Variants in LIPI observed in about 807,000 individuals in gnomAD.
LIPI encodes the protein lipase member I.
In LIPI, 59 loss-of-function variants were observed where a neutral mutation model predicts 50.6. The ratio of observed to expected loss-of-function variants is 1.16; its 90% CI spans 0.94 to 1.45. The LOEUF is 1.45. Among genes scored for constraint, LIPI ranks in the 40% most tolerant of loss-of-function variants. The pLI is 0.00. For missense variants in LIPI, 586 were observed against 536.3 expected (o/e 1.09, Z -0.92); for synonymous variants, 203 against 178.2 (o/e 1.14, Z -1.11).
chr21:14,207,991 T>C (rs2020271060), intron 1 of LIPI, among the ~76,000 whole-genome samples: 1 of 152,200 alleles, frequency 6.6e-6, no homozygotes, highest in Admixed American at 6.5e-5. Context: ...TAGTTCCAAA[T>C]TTCATTTTCT....
rs557813108 is a variant in LIPI at position 14,208,917 on chromosome 21, G to T, written c.46+1883C>A. Among the ~76,000 whole-genome samples the T allele has an allele frequency of 3.3e-5, 5 of 152,172 alleles. No homozygotes were observed. In the South Asian group the frequency reaches 6.2e-4, roughly 19 times the overall value. ...AATTACAAAATTAGCCAGGCGTGGT[G>T]GTGTGTGCCTGCAGCCCCAGCTACC... On this transcript the variant is annotated intron_variant, in intron 1 of 9. Transcript: ENST00000681601.
chr21:14,188,064 A>G (rs1490187602), intron 2 of LIPI, among the ~76,000 whole-genome samples: 1 of 152,174 alleles, frequency 6.6e-6, no homozygotes, highest in Non-Finnish European at 1.5e-5. Context: ...CAAGCTCAAT[A>G]ATGCCCCCGA....
intron 1 of LIPI, among the ~76,000 whole-genome samples, chr21:14,209,254 C>A (rs1401177251): frequency 1.3e-5 from 2 of 152,116 alleles, no homozygotes; most frequent in East Asian, 1.9e-4. Flanking sequence ...ATTCTACTTA[C>A]AATTTTTAAA....
chr21:14,196,114 C>T (rs939714564), intron 1 of LIPI, among the ~76,000 whole-genome samples: 4 of 116,580 alleles, frequency 3.4e-5, no homozygotes, highest in Admixed American at 1.0e-4. Context: ...ACCACATTTA[C>T]GAGTTCGTAG....
chr21:14,135,418 T>C (rs1229702308), intron 9 of LIPI, among the ~76,000 whole-genome samples: 2 of 152,076 alleles, frequency 1.3e-5, no homozygotes, highest in Non-Finnish European at 1.5e-5. Flanking sequence ...GATAGAAAAA[T>C]CAGCTCTGAG....
intron 7 of LIPI, among the ~76,000 whole-genome samples, chr21:14,155,898 G>T (rs1600870978): frequency 6.6e-6 from 1 of 151,936 alleles, no homozygotes; most frequent in Non-Finnish European, 1.5e-5. Flanking sequence ...AATGAGAAGA[G>T]AATAAATATG....
chr21:14,127,151 G>T (rs1427086019), intron 9 of LIPI, among the ~76,000 whole-genome samples: 1 of 152,150 alleles, frequency 6.6e-6, no homozygotes, highest in African/African-American at 2.4e-5. Context: ...ATCACAGTCT[G>T]TTACAAAAAG....
intron 8 of LIPI, among the ~76,000 whole-genome samples, chr21:14,150,428 T>C (rs951754190): frequency 5.3e-5 from 8 of 152,226 alleles, no homozygotes; most frequent in Admixed American, 3.3e-4. Context: ...CATTAAGTGA[T>C]CTTCTTTTAT....
rs1353906935 is a variant in LIPI, at chr21:14,210,897, CCGTAA to C, written c.-57_-53del. On this transcript the variant is annotated 5_prime_UTR_variant, in exon 1 of 10. An upstream open reading frame in the 5' UTR gains an earlier in-frame stop. Transcript: ENST00000681601. ...CACTCAATTCACCAAAAAGGAAATTCCGTAACTCATTGAGGTTTCTCTTTGGTAGG... is the reference window on the plus strand; with the variant it reads ...CACTCAATTCACCAAAAAGGAAATTCCTCATTGAGGTTTCTCTTTGGTAGG... The C allele has an allele frequency of 8.5e-7, 1 of 1,176,906 alleles. No individual in the cohort carries two copies. The highest frequency in any genetic ancestry group is 1.1e-6 in the Non-Finnish European group (1 of 939,256). 72.9% of individuals were successfully genotyped at this position (1,176,906 alleles called of 1,614,324 possible). A position where few individuals can be genotyped will look rare whatever the true frequency, so the allele number is the denominator to read the frequency against.
chr21:14,179,859 A>G (rs924212123), intron 4 of LIPI, among the ~76,000 whole-genome samples: 5 of 152,190 alleles, frequency 3.3e-5, no homozygotes, highest in Non-Finnish European at 5.9e-5. Context: ...AAAGAACAGA[A>G]TAACAGCGGC....
chr21:14,139,327 A>G (rs1296497489), intron 9 of LIPI, among the ~76,000 whole-genome samples: 3 of 152,142 alleles, frequency 2.0e-5, no homozygotes, highest in Non-Finnish European at 4.4e-5. Flanking sequence ...TAACTTCAAC[A>G]ATATACTTTT....
At chr21:14,182,471 A>G (rs2019306993) in intron 3 of LIPI, among the ~76,000 whole-genome samples, 1 of 152,196 alleles carries the variant, frequency 6.6e-6, no homozygotes, top group Non-Finnish European at 1.5e-5. Context: ...TGTCAAAAAG[A>G]GGAGAGAGAA....
intron 7 of LIPI, among the ~76,000 whole-genome samples, chr21:14,160,434 C>A (rs1438925021): frequency 6.6e-6 from 1 of 150,754 alleles, no homozygotes; most frequent in Non-Finnish European, 1.5e-5. Flanking sequence ...GATAAAGATG[C>A]AAAAGCACTT....
intron 9 of LIPI, among the ~76,000 whole-genome samples, chr21:14,140,250 G>A (rs1186825358): frequency 6.6e-6 from 1 of 152,082 alleles, no homozygotes; most frequent in Non-Finnish European, 1.5e-5. Flanking sequence ...TCAGAAGGTA[G>A]GAACAAAGAG....
intron 4 of LIPI, among the ~76,000 whole-genome samples, chr21:14,178,083 A>G (rs1468697766): frequency 1.3e-5 from 2 of 152,084 alleles, no homozygotes; most frequent in African/African-American, 4.8e-5. Flanking sequence ...ACTCTGGTCA[A>G]TTTTATTCAC....
chr21:14,165,519 A>T, intron 5 of LIPI, 129 bp from the exon 6 acceptor site: 1 of 656,944 alleles, frequency 1.5e-6, no homozygotes, highest in Non-Finnish European at 2.6e-6. Flanking sequence ...ACTATAATAC[A>T]CAGTTTTATG....
intron 1 of LIPI, among the ~76,000 whole-genome samples, chr21:14,203,783 T>C (rs1449306069): frequency 6.6e-6 from 1 of 151,912 alleles, no homozygotes; most frequent in Non-Finnish European, 1.5e-5. Context: ...CACACCAACA[T>C]GGCACATGTA....
chr21:14,123,523 C>A (rs1422798438), intron 9 of LIPI, among the ~76,000 whole-genome samples: 1 of 151,898 alleles, frequency 6.6e-6, no homozygotes, highest in East Asian at 1.9e-4. Flanking sequence ...TTTAAGTTAC[C>A]CAGTCTATAA....
intron 9 of LIPI, among the ~76,000 whole-genome samples, chr21:14,124,581 G>A (rs947477691): frequency 2.0e-5 from 3 of 152,116 alleles, no homozygotes; most frequent in Non-Finnish European, 2.9e-5. Flanking sequence ...GGTTTCCCAG[G>A]TATGTGTAAC....
Sources: allele counts gnomAD v4.1 joint callset (sites outside exome capture counted in the v4.1 genomes callset), GRCh38; gene constraint gnomAD v4.1.1; transcripts MANE v1.5; gene names NCBI Gene and HGNC (gene_info 2026-07-23, HGNC 2026-07-21).